MCU: variants seen among roughly 807,000 people sequenced by gnomAD.
MCU encodes mitochondrial calcium uniporter.
In MCU, 12 loss-of-function variants were observed where a neutral mutation model predicts 45.2. The ratio of observed to expected loss-of-function variants is 0.27; its 90% confidence interval spans 0.17 to 0.43. The LOEUF (loss-of-function observed/expected upper bound fraction) is 0.43, where lower values mean the gene tolerates loss of function less well. Among genes scored for constraint, MCU ranks in the 20% least tolerant of loss-of-function variants. The probability of loss-of-function intolerance (pLI) is 1.00; values close to 1 mark genes in which losing one functional copy is unlikely to be tolerated. For synonymous variants in MCU, 160 were observed against 165.1 expected (o/e 0.97, Z 0.24); for missense variants, 324 against 436.7 (o/e 0.74, Z 2.30).
chr10:72,698,357 G>A (rs1389614347), intron 1 of MCU, among the ~76,000 whole-genome samples: 6 of 152,166 alleles, frequency 3.9e-5, no homozygotes, highest in Non-Finnish European at 7.4e-5. Context: ...AACAAAAAAT[G>A]ATTTGCTATC....
intron 5 of MCU, among the ~76,000 whole-genome samples, chr10:72,869,327 G>A (rs1384301048): frequency 6.6e-6 from 1 of 152,246 alleles, no homozygotes; most frequent in Non-Finnish European, 1.5e-5. Flanking sequence ...GCTCACGCCT[G>A]TAATCCCAAC....
chr10:72,817,359 C>G (rs924050233), intron 1 of MCU, among the ~76,000 whole-genome samples: 2 of 152,118 alleles, frequency 1.3e-5, no homozygotes, highest in Non-Finnish European at 2.9e-5. Flanking sequence ...ACTTTATTTT[C>G]TTTTATTGAC....
At chr10:72,837,882 G>A (rs960133110) in intron 2 of MCU, among the ~76,000 whole-genome samples, 2 of 138,430 alleles carry the variant, frequency 1.4e-5, no homozygotes, top group Admixed American at 7.6e-5. Flanking sequence ...TTTTGAGACC[G>A]AGTCTCACTC....
intron 1 of MCU, among the ~76,000 whole-genome samples, chr10:72,749,815 G>A (rs1291828688): frequency 6.6e-6 from 1 of 152,102 alleles, no homozygotes; most frequent in Admixed American, 6.5e-5. Flanking sequence ...TGCCCAGGCT[G>A]GAGTGCAGTG....
At position 72,885,780 on chromosome 10, in the gene MCU, A is replaced by G. The variant is rs1845766086; in HGVS notation, c.1014A>G (p.Leu338=). 7 of 1,613,748 alleles carry G rather than the reference A, an allele frequency of 4.3e-6. No individual in the cohort carries two copies. Among genetic ancestry groups the G allele is most frequent in the Non-Finnish European group, 5.9e-6 (7 of 1,179,802 alleles). ...EMDLKRLRDP[L]QVHLPLRQIG... ...ACCTTAAGAGACTGAGAGACCCATT[A>G]CAAGTACATCTGCCTCTCCGACAAA... is the stretch of plus-strand genomic sequence containing the variant. Residue 338 remains leucine (L), a synonymous_variant, in exon 8 of 8, where the codon TTA becomes TTG. Transcript: ENST00000373053.
chr10:72,711,294 C>T (rs975414856), intron 1 of MCU, among the ~76,000 whole-genome samples: 11 of 148,530 alleles, frequency 7.4e-5, no homozygotes, highest in Non-Finnish European at 1.0e-4. Flanking sequence ...GATCTCGGCT[C>T]GCTGCGATCT....
intron 1 of MCU, among the ~76,000 whole-genome samples, chr10:72,792,290 G>A (rs1445611328): frequency 2.6e-5 from 4 of 152,300 alleles, no homozygotes; most frequent in African/African-American, 9.6e-5. Flanking sequence ...AGGTTACACA[G>A]TGTTTTTGGC....
At chr10:72,885,716 A>G (rs1280550421) in intron 7 of MCU, 29 bp from the exon 8 acceptor site, 2 of 1,489,974 alleles carry the variant, frequency 1.3e-6, no homozygotes, top group Non-Finnish European at 9.4e-7. Flanking sequence ...TTCACTAGCC[A>G]GTTTTCTCAC....
At chr10:72,842,581 C>G (rs945312236) in intron 2 of MCU, among the ~76,000 whole-genome samples, 29 of 152,088 alleles carry the variant, frequency 1.9e-4, no homozygotes, top group African/African-American at 5.3e-4. Context: ...TATGTGACTT[C>G]TTTAGTCAAG....
chr10:72,882,125 T>A (rs1845711935), intron 6 of MCU, among the ~76,000 whole-genome samples: 1 of 152,218 alleles, frequency 6.6e-6, no homozygotes, highest in South Asian at 2.1e-4. Context: ...CATGGACACT[T>A]ATCACTTCCC....
At chr10:72,871,184 G>A (rs1247528443) in intron 5 of MCU, among the ~76,000 whole-genome samples, 193 bp from the exon 6 acceptor site, 2 of 152,220 alleles carry the variant, frequency 1.3e-5, no homozygotes, top group African/African-American at 2.4e-5. Context: ...ACAGATGTGA[G>A]CCACTGCACC....
chr10:72,706,942 G>C (rs987283643), intron 1 of MCU, among the ~76,000 whole-genome samples: 1 of 142,496 alleles, frequency 7.0e-6, no homozygotes, highest in Admixed American at 7.1e-5. Context: ...TGATTCTCCT[G>C]CCTCAGCCTC....
chr10:72,877,502 A>T (rs1484521086), intron 6 of MCU, among the ~76,000 whole-genome samples: 1 of 152,140 alleles, frequency 6.6e-6, no homozygotes, highest in African/African-American at 2.4e-5. Flanking sequence ...TCCAATATCT[A>T]TTATCTATCA....
chr10:72,696,215 C>T (rs1806506509), intron 1 of MCU, among the ~76,000 whole-genome samples: 5 of 85,324 alleles, frequency 5.9e-5, no homozygotes, highest in East Asian at 3.8e-4. Context: ...TTGGTAGAGA[C>T]AGGGTATTTC....
At chr10:72,857,558 A>G (rs1474497876) in intron 2 of MCU, among the ~76,000 whole-genome samples, 1 of 152,092 alleles carries the variant, frequency 6.6e-6, no homozygotes, top group Admixed American at 6.6e-5. Flanking sequence ...TTATATACGA[A>G]AAAAGTGAGG....
chr10:72,807,399 C>A (rs564594089), intron 1 of MCU, among the ~76,000 whole-genome samples: 60 of 151,626 alleles, frequency 4.0e-4, no homozygotes, highest in Admixed American at 7.2e-4. Flanking sequence ...GACAGTGCTT[C>A]TCCTTGGAAA....
intron 1 of MCU, among the ~76,000 whole-genome samples, chr10:72,810,461 CTTTTTT>C (rs751918414): frequency 1.4e-5 from 1 of 73,408 alleles, no homozygotes; most frequent in South Asian, 4.7e-4. Context: ...ATTATGTTGC[CTTTTTT>C]TTTTTTTTTT....
intron 6 of MCU, among the ~76,000 whole-genome samples, chr10:72,877,664 T>C (rs1288257568): frequency 6.6e-6 from 1 of 152,040 alleles, no homozygotes; most frequent in African/African-American, 2.4e-5. Flanking sequence ...CAAAAATTGC[T>C]AGGTAAGGGT....
chr10:72,873,003 T>G (rs1349091346), intron 6 of MCU, among the ~76,000 whole-genome samples: 1 of 150,430 alleles, frequency 6.6e-6, no homozygotes, highest in Non-Finnish European at 1.5e-5. Context: ...TTTGTTTTTT[T>G]GTTTTTTGGG....
Sources: allele counts gnomAD v4.1 joint callset (sites outside exome capture counted in the v4.1 genomes callset), GRCh38; gene constraint gnomAD v4.1.1; transcripts MANE v1.5; gene names NCBI Gene and HGNC (gene_info 2026-07-23, HGNC 2026-07-21).